RBFOX1: variants seen among roughly 807,000 people sequenced by gnomAD.
RBFOX1 encodes the protein RNA binding protein fox-1 homolog 1.
Under a neutral mutation model 57.7 loss-of-function variants are expected in RBFOX1, and 8 were observed. The observed-to-expected ratio is 0.14, with a 90% CI of 0.08 to 0.25. The LOEUF (loss-of-function observed/expected upper bound fraction) is 0.25. Ranked by LOEUF, RBFOX1 falls within the 10% of genes least tolerant of loss-of-function variation. The probability of loss-of-function intolerance (pLI) is 1.00; values close to 1 mark genes in which losing one functional copy is unlikely to be tolerated. For synonymous variants in RBFOX1, 326 were observed against 222.4 expected, an observed-to-expected ratio of 1.47 and a Z score of -4.15; for missense variants, 611 against 548.5, an observed-to-expected ratio of 1.11 and a Z score of -1.14.
intron 3 of RBFOX1, among the ~76,000 whole-genome samples, chr16:6,739,966 A>G (rs1444239603): frequency 6.6e-6 from 1 of 152,204 alleles, no homozygotes; most frequent in Non-Finnish European, 1.5e-5. Flanking sequence ...GTAACAAAAG[A>G]AACAAGAAAA....
intron 2 of RBFOX1, among the ~76,000 whole-genome samples, chr16:6,405,371 C>T (rs955663002): frequency 6.6e-6 from 1 of 152,184 alleles, no homozygotes; most frequent in African/African-American, 2.4e-5. Flanking sequence ...TAAAACAAAG[C>T]TTTCATATGT....
chr16:6,898,175 G>A (rs567440375), intron 3 of RBFOX1, among the ~76,000 whole-genome samples: 124 of 152,244 alleles, frequency 8.1e-4, no homozygotes, highest in African/African-American at 3.0e-3. Context: ...CGTAGCCAAC[G>A]GCATTAAGAA....
intron 3 of RBFOX1, among the ~76,000 whole-genome samples, chr16:6,921,747 ATG>A (rs894544122): frequency 3.3e-5 from 5 of 151,108 alleles, no homozygotes. Flanking sequence ...GAGCATATGT[ATG>A]TGTGTGTGTA....
chr16:6,186,932 A>T (rs559783547), intron 1 of RBFOX1, among the ~76,000 whole-genome samples: 39 of 152,286 alleles, frequency 2.6e-4, no homozygotes, highest in Middle Eastern at 3.4e-3. Flanking sequence ...GTGGTTCAAG[A>T]TCCTCACAAG....
In RBFOX1 at chr16:6,597,615, A is replaced by G. The variant is rs186730342; in HGVS notation, c.-63-56988A>G. Among the ~76,000 whole-genome samples, 19 of 152,258 alleles carry G rather than the reference A, an allele frequency of 1.2e-4. No individual in the cohort carries two copies. The East Asian group carries it at 3.5e-3, about 28-fold the overall frequency. ...GTGAACCCGGGAGGTGGAAGATTGC[A>G]GTGAGCTGAGATAGCACCATTGCAC... On this transcript the variant is annotated intron_variant, in intron 2 of 15. Transcript: ENST00000550418.
intron 3 of RBFOX1, among the ~76,000 whole-genome samples, chr16:5,821,079 C>G (rs749662455): frequency 2.0e-5 from 3 of 152,036 alleles, no homozygotes; most frequent in Non-Finnish European, 4.4e-5. Flanking sequence ...GTGCTCCTAC[C>G]AGGGTCTCTG....
chr16:5,642,931 C>T (rs1484611240), intron 3 of RBFOX1, among the ~76,000 whole-genome samples: 2 of 152,212 alleles, frequency 1.3e-5, no homozygotes, highest in Non-Finnish European at 2.9e-5. Context: ...AATGCCCGCT[C>T]ACCCACCTGG....
Position 6,019,778 on chromosome 16 carries a change from G to T in RBFOX1, c.-341G>T. ...CAGACCCCCACCCAGTGGCCGCCAGGGTCCCCGCCTGTCCGGACCCTCGCC... is the reference window on the plus strand; with the variant it reads ...CAGACCCCCACCCAGTGGCCGCCAGTGTCCCCGCCTGTCCGGACCCTCGCC... On this transcript the variant is annotated 5_prime_UTR_variant, in exon 1 of 16. Transcript: ENST00000550418. This position sits in a 1 kb window ranked among gnomAD's most constrained non-coding sequence, Gnocchi z 4.2. 1 of 1,414,660 alleles carries T rather than the reference G, an allele frequency of 7.1e-7. No individual in the cohort carries two copies. Among genetic ancestry groups the T allele is most frequent in the Non-Finnish European group, 9.2e-7 (1 of 1,083,402 alleles). 87.6% of individuals were successfully genotyped at this position (1,414,660 alleles called of 1,614,324 possible).
At chr16:6,225,075 C>G (rs1046751842) in intron 1 of RBFOX1, among the ~76,000 whole-genome samples, 3 of 150,760 alleles carry the variant, frequency 2.0e-5, no homozygotes, top group Non-Finnish European at 4.4e-5. Flanking sequence ...GGGGCTGTCC[C>G]CAGTCCTGTG....
intron 3 of RBFOX1, among the ~76,000 whole-genome samples, chr16:5,700,740 A>G (rs994522710): frequency 5.9e-5 from 9 of 152,184 alleles, no homozygotes; most frequent in African/African-American, 2.2e-4. Context: ...CTTCTGGTTT[A>G]TTACTTACCC....
chr16:7,314,937 G>T (rs1346696262), intron 4 of RBFOX1, among the ~76,000 whole-genome samples: 1 of 152,196 alleles, frequency 6.6e-6, no homozygotes. Context: ...AATTCTGGAT[G>T]TAGGAAAGTT....
downstream of RBFOX1, among the ~76,000 whole-genome samples, chr16:5,603,196 C>G (rs1320686775): frequency 6.6e-6 from 1 of 152,198 alleles, no homozygotes; most frequent in African/African-American, 2.4e-5. Context: ...ATTTTGCCAG[C>G]ATTCAGAATA....
At chr16:7,533,098 A>T (rs951315786) in intron 5 of RBFOX1, among the ~76,000 whole-genome samples, 1 of 152,248 alleles carries the variant, frequency 6.6e-6, no homozygotes, top group Non-Finnish European at 1.5e-5. Context: ...CATAGTCGCC[A>T]GCACTGCCTG....
chr16:7,477,404 G>T (rs190433471), intron 4 of RBFOX1, among the ~76,000 whole-genome samples: 11 of 152,258 alleles, frequency 7.2e-5, no homozygotes, highest in Middle Eastern at 3.4e-3. Flanking sequence ...GTTTACCCGT[G>T]GGGGGTCGGG....
intron 3 of RBFOX1, among the ~76,000 whole-genome samples, chr16:7,028,607 CACAAAAAAAAA>C (rs1357467299): frequency 9.6e-4 from 46 of 47,892 alleles, no homozygotes; most frequent in African/African-American, 4.2e-3. Context: ...CACACACACA[CACAAAAAAAAA>C]AAAAAAAAAA....
In RBFOX1 at chr16:5,610,854, C is replaced by G. The variant is rs530506412; in HGVS notation, c.318+11893C>G. On this transcript the variant is annotated intron_variant, in intron 3 of 19. Coordinates refer to the RBFOX1 transcript ENST00000641259. ...CTGCACTCCAGCCTGGGTGACAGAG[C>G]AAGACCCTATCTGTCAAAAGATAAA... 2.0e-5 allele frequency among the ~76,000 whole-genome samples: 3 copies of G among 152,150 alleles called. No individual in the cohort carries two copies. In the South Asian group the frequency reaches 6.2e-4, roughly 32 times the overall value.
intron 4 of RBFOX1, among the ~76,000 whole-genome samples, chr16:7,055,476 A>G (rs148196549): frequency 2.6e-5 from 4 of 152,256 alleles, no homozygotes; most frequent in African/African-American, 7.2e-5. Flanking sequence ...TCCTTCTTCC[A>G]AGATGTCTGC....
intron 4 of RBFOX1, among the ~76,000 whole-genome samples, chr16:7,300,588 C>G (rs1217238962): frequency 2.0e-5 from 3 of 148,966 alleles, no homozygotes; most frequent in African/African-American, 5.0e-5. Context: ...CTTGCTTGCT[C>G]TGAGGTATGG....
chr16:7,416,492 G>A (rs1357574945), intron 4 of RBFOX1, among the ~76,000 whole-genome samples: 4 of 152,212 alleles, frequency 2.6e-5, no homozygotes, highest in Non-Finnish European at 4.4e-5. Flanking sequence ...GGTACATGGT[G>A]TGCTGGGAGG....
Sources: allele counts gnomAD v4.1 joint callset (sites outside exome capture counted in the v4.1 genomes callset), GRCh38; gene constraint gnomAD v4.1.1; non-coding constraint Gnocchi (gnomAD v3.1); transcripts MANE v1.5; gene names NCBI Gene and HGNC (gene_info 2026-07-23, HGNC 2026-07-21).